The following PRUNE2 variants were observed in gnomAD, a reference collection of about 807,000 sequenced individuals.
PRUNE2 encodes the protein prune homolog 2 with BCH domain, also known as protein prune homolog 2.
A neutral mutation model predicts 252.0 loss-of-function variants in PRUNE2; 164 were observed. That is an observed-to-expected ratio of 0.65 (90% CI 0.57 to 0.74). PRUNE2 has a LOEUF of 0.74. PRUNE2 is among the 30% of genes least tolerant of loss of function. The pLI is 0.00. For missense variants in PRUNE2, 3,495 were observed against 3,711.0 expected, an observed-to-expected ratio of 0.94 and a Z score of 1.51; for synonymous variants, 1,292 against 1,350.2, an observed-to-expected ratio of 0.96 and a Z score of 0.94.
chr9:76,882,355 A>T (rs1203116182), intron 1 of PRUNE2, among the ~76,000 whole-genome samples: 1 of 152,256 alleles, frequency 6.6e-6, no homozygotes, highest in Admixed American at 6.5e-5. Context: ...AAATGGTAGG[A>T]AATATTATTC....
At chr9:76,651,411 C>G (rs1847338938) in intron 11 of PRUNE2, among the ~76,000 whole-genome samples, 1 of 152,182 alleles carries the variant, frequency 6.6e-6, no homozygotes, top group Non-Finnish European at 1.5e-5. Flanking sequence ...AGGAGTGGAA[C>G]TGCTAGAATT....
At chr9:76,725,397 T>C (rs1045611964) in intron 6 of PRUNE2, among the ~76,000 whole-genome samples, 2 of 152,178 alleles carry the variant, frequency 1.3e-5, no homozygotes, top group South Asian at 2.1e-4. Flanking sequence ...TCAGTACAGT[T>C]TGGGATTCGT....
At chr9:76,810,743 G>A (rs555907430) in intron 6 of PRUNE2, among the ~76,000 whole-genome samples, 1 of 152,056 alleles carries the variant, frequency 6.6e-6, no homozygotes, top group African/African-American at 2.4e-5. Flanking sequence ...TTTCATTTTA[G>A]CGTGTACTAA....
In PRUNE2 at chr9:76,854,196, G is replaced by A. The variant is rs373655912; in HGVS notation, c.49C>T (p.Arg17Cys). 92 of 1,585,682 alleles carry A rather than the reference G, an allele frequency of 5.8e-5. No homozygotes were observed. Among genetic ancestry groups the A allele is most frequent in the African/African-American group, 1.9e-4 (14 of 74,522 alleles). The change falls in exon 2 of 19, where the codon CGC (arginine) becomes TGC (cysteine). Residue 17 changes from arginine to cysteine, a missense_variant. Transcript: ENST00000376718. The part of the protein sequence containing the change: ...RAKSKLNRSK[R>C]LEKVHVVIGP... ...ATAACCACATGGACCTTCTCCAAGC[G>A]TTTGCTTCGATTCTGAAACAAATTC...
chr9:76,833,879 T>G (rs1006843716), intron 4 of PRUNE2, among the ~76,000 whole-genome samples: 2 of 129,286 alleles, frequency 1.5e-5, no homozygotes, highest in South Asian at 4.7e-4. Flanking sequence ...AGATGCCGGG[T>G]TTTTTTGTTT....
chr9:76,630,785 C>A (rs537546980), intron 15 of PRUNE2, among the ~76,000 whole-genome samples: 192 of 152,354 alleles, frequency 1.3e-3, no homozygotes, highest in African/African-American at 4.4e-3. Flanking sequence ...CTCAGCCTCC[C>A]AAAGTGCTGG....
chr9:76,821,091 G>A (rs2058013959), intron 6 of PRUNE2, among the ~76,000 whole-genome samples: 1 of 152,160 alleles, frequency 6.6e-6, no homozygotes, highest in Non-Finnish European at 1.5e-5. Flanking sequence ...AAGATCTAAT[G>A]TAAAGAGTGA....
At chr9:76,627,103 TTTC>T (rs149409315) in intron 16 of PRUNE2, among the ~76,000 whole-genome samples, 64,981 of 150,578 alleles carry the variant, frequency 0.43, 16,530 homozygotes, top group Middle Eastern at 0.61. Context: ...ATCTTTTTTT[TTTC>T]TTCTTCTTTT....
intron 1 of PRUNE2, among the ~76,000 whole-genome samples, chr9:76,888,152 TA>T (rs2062219163): frequency 6.6e-6 from 1 of 151,962 alleles, no homozygotes; most frequent in Non-Finnish European, 1.5e-5. Flanking sequence ...GGACCATAAA[TA>T]ACTAAGCACC....
chr9:76,703,758 C>T lies in PRUNE2; in HGVS notation c.7855G>A (p.Asp2619Asn), dbSNP rs760546689. The T allele has an allele frequency of 1.4e-5, 23 of 1,613,586 alleles. No homozygotes were observed. Among genetic ancestry groups the T allele is most frequent in the East Asian group, 4.5e-5 (2 of 44,892 alleles). The change falls in exon 9 of 19, where the codon GAT (aspartate) becomes AAT (asparagine). Residue 2619 changes from aspartate (D) to asparagine (N), a missense_variant. Transcript: ENST00000376718. The stretch of plus-strand genomic sequence containing the variant: ...GGGCTTTCAAAAGATGATCTCGTAT[C>T]GCTTTTAGAAGACATTTTCTCTGCA... ...LSAEKMSSKS[D>N]TRSSFESPAQ...
chr9:76,730,731 C>T (rs771301006), intron 6 of PRUNE2, among the ~76,000 whole-genome samples: 1 of 152,196 alleles, frequency 6.6e-6, no homozygotes, highest in South Asian at 2.1e-4. Context: ...GAAACCCCAT[C>T]TCTATTAAAA....
intron 6 of PRUNE2, among the ~76,000 whole-genome samples, chr9:76,808,375 A>C (rs1031325277): frequency 6.6e-6 from 1 of 152,152 alleles, no homozygotes; most frequent in African/African-American, 2.4e-5. Flanking sequence ...TCACGTTAGG[A>C]TATTGTGTGG....
At chr9:76,666,416 G>A (rs979094125) in intron 9 of PRUNE2, among the ~76,000 whole-genome samples, 3 of 152,180 alleles carry the variant, frequency 2.0e-5, no homozygotes, top group African/African-American at 4.8e-5. Context: ...CTCCTAGTCC[G>A]CTTTCATGTT....
chr9:76,702,570 C>G (rs1490526022), intron 9 of PRUNE2, among the ~76,000 whole-genome samples: 1 of 150,826 alleles, frequency 6.6e-6, no homozygotes, highest in Non-Finnish European at 1.5e-5. Flanking sequence ...ATTGGCTACC[C>G]AGAACCACGG....
chr9:76,679,029 G>A (rs1484188126), intron 9 of PRUNE2, among the ~76,000 whole-genome samples: 2 of 152,088 alleles, frequency 1.3e-5, no homozygotes, highest in Admixed American at 1.3e-4. Flanking sequence ...CAGGAGGCAG[G>A]CTGCCTGCAC....
intron 11 of PRUNE2, among the ~76,000 whole-genome samples, chr9:76,651,251 T>C (rs182340492): frequency 1.9e-3 from 287 of 152,216 alleles, no homozygotes; most frequent in Non-Finnish European, 1.1e-3. Flanking sequence ...TAATAGACTA[T>C]AAAACAAGTC....
At chr9:76,733,539 G>A (rs2048814623) in intron 6 of PRUNE2, 1 of 152,096 alleles carries the variant, frequency 6.6e-6, no homozygotes, top group Admixed American at 6.6e-5. Context: ...CTCCCACGAA[G>A]CTGGGACTAC....
Position 76,611,726 on chromosome 9 carries a change from C to A in PRUNE2, c.*2844G>T, listed in dbSNP as rs1012868857. ...TCAGAGAATGTCTTAGAGAGTAACC[C>A]CATAGAACATTGTATGGCTTCAACA... On this transcript the variant is annotated 3_prime_UTR_variant, in exon 19 of 19. Coordinates refer to ENST00000376718, the MANE Select transcript of PRUNE2 (RefSeq NM_015225.3). 9.2e-5 allele frequency: 14 copies of A among 152,560 alleles called. No homozygotes were observed. The highest frequency in any genetic ancestry group is 1.8e-4 in the Non-Finnish European group (12 of 68,032). 9.5% of individuals were successfully genotyped at this position (152,560 alleles called of 1,614,324 possible). A position where few individuals can be genotyped will look rare whatever the true frequency, so the allele number is the denominator to read the frequency against.
chr9:76,669,751 C>T (rs866569113), intron 9 of PRUNE2, among the ~76,000 whole-genome samples: 24 of 152,350 alleles, frequency 1.6e-4, no homozygotes, highest in Middle Eastern at 6.8e-3. Flanking sequence ...CAGGACTCTT[C>T]TGGGGCAACC....
Sources: gnomAD v4.1 joint callset for allele counts (sites outside exome capture counted in the v4.1 genomes callset) on GRCh38, gnomAD v4.1.1 for gene constraint, MANE v1.5 for transcripts, NCBI Gene and HGNC (gene_info 2026-07-23, HGNC 2026-07-21) for gene names.